NUP93: variants seen among roughly 807,000 people sequenced by gnomAD.
NUP93 encodes the protein nucleoporin 93.
Under a neutral mutation model 107.8 loss-of-function variants are expected in NUP93, and 55 were observed. That is an observed-to-expected ratio of 0.51 (90% CI 0.41 to 0.64). The LOEUF is 0.64. Ranked by LOEUF, NUP93 falls within the 30% of genes least tolerant of loss-of-function variation. NUP93 has a pLI of 0.00. For synonymous variants in NUP93, 390 were observed against 397.5 expected (o/e 0.98, Z 0.22); for missense variants, 937 against 1,044.7 (o/e 0.90, Z 1.42).
At chr16:56,747,057 G>A (rs1380414733) in intron 1 of NUP93, among the ~76,000 whole-genome samples, 1 of 151,328 alleles carries the variant, frequency 6.6e-6, no homozygotes, top group African/African-American at 2.4e-5. Context: ...GAATGCAGTG[G>A]TGTGATCTTG....
chr16:56,750,165 C>T (rs556530906), intron 2 of NUP93, among the ~76,000 whole-genome samples: 1 of 152,326 alleles, frequency 6.6e-6, no homozygotes, highest in South Asian at 2.1e-4. Context: ...TGTAAATTTC[C>T]ATTCTTTTTC....
At position 56,829,062 on chromosome 16, in the gene NUP93, C is replaced by G. The variant is rs773991392; in HGVS notation, c.880C>G (p.Arg294Gly). The G allele has an allele frequency of 1.2e-6, 2 of 1,613,198 alleles. No individual in the cohort carries two copies. The highest frequency in any genetic ancestry group is 1.7e-6 in the Non-Finnish European group (2 of 1,179,738). ...GGTGCCTGGGACTTACCAATTGGTTCGAAGTTTCCTGAACATTAAACTGCC... is the reference window on the plus strand; with the variant it reads ...GGTGCCTGGGACTTACCAATTGGTTGGAAGTTTCCTGAACATTAAACTGCC... ...GGVPGTYQLV[R>G]SFLNIKLPAP... Residue 294 changes from arginine to glycine, a missense_variant, in exon 9 of 22, where the codon CGA becomes GGA. Coordinates refer to ENST00000308159, the MANE Select transcript of NUP93 (RefSeq NM_014669.5).
chr16:56,731,154 C>T (rs1176881023), intron 1 of NUP93, among the ~76,000 whole-genome samples: 3 of 151,990 alleles, frequency 2.0e-5, no homozygotes, highest in African/African-American at 7.3e-5. Flanking sequence ...CTAACAGATT[C>T]CGTATTTATA....
At chr16:56,784,353 G>A (rs1056481352) in intron 3 of NUP93, among the ~76,000 whole-genome samples, 2 of 152,088 alleles carry the variant, frequency 1.3e-5, no homozygotes, top group African/African-American at 2.4e-5. Flanking sequence ...AAATACACAA[G>A]AAACAAATGT....
At chr16:56,806,537 T>C (rs1307792617) in intron 5 of NUP93, among the ~76,000 whole-genome samples, 5 of 152,178 alleles carry the variant, frequency 3.3e-5, no homozygotes, top group Admixed American at 3.3e-4. Context: ...GAGGCTGCAC[T>C]CATTTCAAGG....
intron 4 of NUP93, 70 bp downstream of exon 4, chr16:56,798,608 C>A (rs1962951604): frequency 7.2e-6 from 9 of 1,249,508 alleles, no homozygotes; most frequent in Middle Eastern, 1.9e-4. Context: ...TGGCTCACAT[C>A]TGTAATCCTA....
chr16:56,803,230 G>A (rs1038933285), intron 4 of NUP93, among the ~76,000 whole-genome samples: 1 of 152,108 alleles, frequency 6.6e-6, no homozygotes, highest in Non-Finnish European at 1.5e-5. Context: ...AGGCCAAGGC[G>A]GTCGGATCAC....
At chr16:56,818,528 CTT>C in intron 5 of NUP93, 134 bp from the exon 6 acceptor site, 1 of 669,838 alleles carries the variant, frequency 1.5e-6, no homozygotes, top group East Asian at 2.6e-5. Flanking sequence ...AAAATCATCA[CTT>C]TGAGGAATTC....
chr16:56,764,437 C>T lies in NUP93; in HGVS notation c.297+5782C>T, dbSNP rs991165287. On this transcript the variant is annotated intron_variant, in intron 3 of 21. Coordinates refer to ENST00000308159, the MANE Select transcript of NUP93 (RefSeq NM_014669.5). Reference sequence around the variant, plus strand: ...CCCGAGAGGTGGAGGTTGTGGTGAGCTGAGATGGCACCACAGCACTCCAGC... The same window carrying T: ...CCCGAGAGGTGGAGGTTGTGGTGAGTTGAGATGGCACCACAGCACTCCAGC... 2.6e-5 allele frequency among the ~76,000 whole-genome samples: 4 copies of T among 152,246 alleles called. No homozygotes were observed. In the South Asian group the frequency reaches 8.3e-4, roughly 32 times the overall value.
At chr16:56,840,766 C>T (rs1028256089) in intron 20 of NUP93, among the ~76,000 whole-genome samples, 5 of 152,238 alleles carry the variant, frequency 3.3e-5, no homozygotes, top group South Asian at 2.1e-4. Context: ...GAGGCTGAGG[C>T]GGACTGATCA....
At chr16:56,754,442 T>C (rs564336258) in intron 2 of NUP93, among the ~76,000 whole-genome samples, 33 of 152,330 alleles carry the variant, frequency 2.2e-4, no homozygotes, top group African/African-American at 7.7e-4. Context: ...CAAAGTCTTA[T>C]CTGGGACAAG....
intron 1 of NUP93, among the ~76,000 whole-genome samples, chr16:56,737,186 T>C (rs1276794265): frequency 6.6e-6 from 1 of 152,222 alleles, no homozygotes; most frequent in African/African-American, 2.4e-5. Flanking sequence ...CCTCACAGTT[T>C]TGGAGGCTGG....
At chr16:56,768,866 CA>C (rs10674596) in intron 3 of NUP93, among the ~76,000 whole-genome samples, 2,249 of 135,520 alleles carry the variant, frequency 0.017, 58 homozygotes, top group Admixed American at 0.081. Flanking sequence ...GACTCTGTCT[CA>C]AAAAAAAAAA....
chr16:56,833,488 A>C, intron 13 of NUP93, 82 bp downstream of exon 13: 2 of 1,163,086 alleles, frequency 1.7e-6, no homozygotes, highest in South Asian at 3.6e-5. Context: ...AACCACAACC[A>C]ATAAGGATTT....
intron 1 of NUP93, among the ~76,000 whole-genome samples, chr16:56,732,307 G>A (rs1961548489): frequency 6.6e-6 from 1 of 152,162 alleles, no homozygotes; most frequent in Admixed American, 6.5e-5. Flanking sequence ...CACACAGTAG[G>A]TGCTCAAAAA....
intron 7 of NUP93, 47 bp downstream of exon 7, chr16:56,821,640 G>T (rs556121965): frequency 7.9e-7 from 1 of 1,273,330 alleles, no homozygotes; most frequent in Non-Finnish European, 1.1e-6. Context: ...CCAGTGTTCC[G>T]ATGGGCCTAG....
chr16:56,783,178 G>A (rs1221544269), intron 3 of NUP93, among the ~76,000 whole-genome samples: 2 of 152,182 alleles, frequency 1.3e-5, no homozygotes, highest in African/African-American at 4.8e-5. Context: ...TTTATCCTAA[G>A]GAATGTATTT....
chr16:56,828,484 T>A (rs1452075751), intron 8 of NUP93, among the ~76,000 whole-genome samples: 1 of 152,200 alleles, frequency 6.6e-6, no homozygotes, highest in African/African-American at 2.4e-5. Flanking sequence ...CTGATTTTTA[T>A]AACATATTTT....
chr16:56,780,667 C>T (rs922946525), intron 3 of NUP93, among the ~76,000 whole-genome samples: 4 of 151,968 alleles, frequency 2.6e-5, no homozygotes, highest in South Asian at 2.1e-4. Flanking sequence ...GAGTAAGAAC[C>T]GTCAGTAGTC....
Sources: allele counts gnomAD v4.1 joint callset (sites outside exome capture counted in the v4.1 genomes callset), GRCh38; gene constraint gnomAD v4.1.1; transcripts MANE v1.5; gene names NCBI Gene and HGNC (gene_info 2026-07-23, HGNC 2026-07-21).